The following ATG7 variants were observed in gnomAD, a reference collection of about 807,000 sequenced individuals.
The protein encoded by ATG7 is autophagy related 7, also known as ubiquitin-like modifier-activating enzyme ATG7.
A neutral mutation model predicts 82.4 loss-of-function variants in ATG7; 70 were observed. The ratio of observed to expected loss-of-function variants is 0.85; its 90% CI spans 0.70 to 1.04. The LOEUF (loss-of-function observed/expected upper bound fraction) is 1.04. Among genes scored for constraint, ATG7 ranks in the 50% least tolerant of loss-of-function variants. ATG7 has a pLI of 0.00. For synonymous variants in ATG7, 287 were observed against 313.0 expected (o/e 0.92, Z 0.88); for missense variants, 792 against 864.3 (o/e 0.92, Z 1.05).
At chr3:11,569,597 T>G in the ATG7 span, among the ~76,000 whole-genome samples, 2 of 152,112 alleles carry the variant, frequency 1.3e-5, no homozygotes, top group African/African-American at 4.8e-5. Context: ...GGCCAGTGAG[T>G]GGGCCGGGAC....
At chr3:11,564,423 G>A in the ATG7 span, among the ~76,000 whole-genome samples, 1 of 151,560 alleles carries the variant, frequency 6.6e-6, no homozygotes, top group Non-Finnish European at 1.5e-5. Flanking sequence ...ACCCGAGGAT[G>A]ACTACATTCA....
At chr3:11,475,905 A>ACC in intron 20 of ATG7, among the ~76,000 whole-genome samples, 1 of 150,228 alleles carries the variant, frequency 6.7e-6, no homozygotes, top group Non-Finnish European at 1.5e-5. Flanking sequence ...ACACACACAC[A>ACC]CACCCCCTCC....
intron 3 of ATG7, among the ~76,000 whole-genome samples, chr3:11,293,300 C>T (rs780897781): frequency 2.0e-5 from 3 of 151,770 alleles, no homozygotes; most frequent in Admixed American, 1.3e-4. Flanking sequence ...GAGGCCAAGG[C>T]GAGCAGATTG....
chr3:11,464,244 C>T lies in ATG7; in HGVS notation c.2079+37318C>T, dbSNP rs542141845. On this transcript the variant is annotated intron_variant, in intron 20 of 20. Transcript: ENST00000693202. The stretch of plus-strand genomic sequence containing the variant: ...AAAATTGGCCAGGCATGGTGTTATG[C>T]ACCTGAAGTCCCAGCTACTTGGGAG... 2.6e-5 allele frequency among the ~76,000 whole-genome samples: 4 copies of T among 152,194 alleles called. No individual in the cohort carries two copies. In the East Asian group the frequency reaches 7.7e-4, roughly 29 times the overall value.
At chr3:11,469,010 C>G (rs938186564) in intron 20 of ATG7, among the ~76,000 whole-genome samples, 8 of 152,206 alleles carry the variant, frequency 5.3e-5, no homozygotes, top group Non-Finnish European at 8.8e-5. Context: ...CATGATGGCT[C>G]TCTCATCTCT....
chr3:11,437,794 A>G (rs1350203758), intron 20 of ATG7, among the ~76,000 whole-genome samples: 1 of 152,202 alleles, frequency 6.6e-6, no homozygotes, highest in Non-Finnish European at 1.5e-5. Flanking sequence ...AGCAAGTTTT[A>G]TATACAGCGG....
chr3:11,355,566 T>C (rs1269154810), intron 14 of ATG7, among the ~76,000 whole-genome samples: 1 of 152,156 alleles, frequency 6.6e-6, no homozygotes, highest in Non-Finnish European at 1.5e-5. Context: ...GAACAGGTAC[T>C]TAATTTATGG....
chr3:11,427,814 C>CAA (rs11288609), intron 20 of ATG7, among the ~76,000 whole-genome samples: 17 of 135,234 alleles, frequency 1.3e-4, no homozygotes, highest in African/African-American at 3.3e-4. Context: ...GACTCCGTCT[C>CAA]AAAAAAAAAA....
At position 11,274,667 on chromosome 3, in the gene ATG7, T is replaced by G. The variant is rs577687276; in HGVS notation, c.-366+2237T>G. 3.3e-5 allele frequency among the ~76,000 whole-genome samples: 5 copies of G among 152,274 alleles called. No individual in the cohort carries two copies. The South Asian group carries it at 1.0e-3, about 32-fold the overall frequency. ...CATAGACTTTGGGATCCAAGATAGCTGCGTACCAATATTCCCATTGCCACT... is the reference window on the plus strand; with the variant it reads ...CATAGACTTTGGGATCCAAGATAGCGGCGTACCAATATTCCCATTGCCACT... On this transcript the variant is annotated intron_variant, in intron 1 of 20. Coordinates refer to ENST00000693202, the MANE Select transcript of ATG7 (RefSeq NM_001349232.2).
intron 19 of ATG7, among the ~76,000 whole-genome samples, chr3:11,417,674 T>C (rs563923840): frequency 6.6e-6 from 1 of 151,992 alleles, no homozygotes; most frequent in Non-Finnish European, 1.5e-5. Context: ...ATAATTGGAT[T>C]AATATCTGCC....
At chr3:11,559,501 C>T (rs373124033), downstream of ATG7, 76 of 1,501,452 alleles carry the variant, frequency 5.1e-5, 2 homozygotes, top group East Asian at 1.2e-4. Flanking sequence ...GCTTCAGTAC[C>T]GGGCACCACC....
chr3:11,308,253 C>T (rs1427748355), intron 6 of ATG7, among the ~76,000 whole-genome samples: 1 of 152,192 alleles, frequency 6.6e-6, no homozygotes, highest in Non-Finnish European at 1.5e-5. Flanking sequence ...TTAGTAACAC[C>T]AAGTTTAGCT....
chr3:11,574,671 C>T, the ATG7 span, among the ~76,000 whole-genome samples: 7 of 152,082 alleles, frequency 4.6e-5, no homozygotes, highest in African/African-American at 1.4e-4. Context: ...CACAAAGAAA[C>T]GATTAATGTT....
intron 20 of ATG7, among the ~76,000 whole-genome samples, chr3:11,542,612 C>A (rs2070925108): frequency 6.6e-6 from 1 of 152,198 alleles, no homozygotes; most frequent in South Asian, 2.1e-4. Flanking sequence ...CTACACTGAC[C>A]CTTTTTTCTC....
At chr3:11,481,734 TTGG>T (rs1482757271) in intron 20 of ATG7, among the ~76,000 whole-genome samples, 3 of 152,196 alleles carry the variant, frequency 2.0e-5, no homozygotes, top group Admixed American at 1.3e-4. Flanking sequence ...ATCTTGAGAC[TTGG>T]TGAAGTGGAT....
chr3:11,331,339 G>A lies in ATG7; in HGVS notation c.679-1G>A. On this transcript the variant is annotated splice_acceptor_variant, in intron 9 of 20. Transcript: ENST00000693202. LOFTEE classifies it high-confidence loss of function. ...ACTCAGAAAGTCTTTTTTGTTCACA[G>A]ATAACAATTGGTGTATATGATCCCT... The A allele has an allele frequency of 2.5e-6, 4 of 1,609,020 alleles. No individual in the cohort carries two copies. The highest frequency in any genetic ancestry group is 3.4e-6 in the Non-Finnish European group (4 of 1,176,042).
At chr3:11,417,810 ATTTTAT>A (rs761854781) in intron 19 of ATG7, among the ~76,000 whole-genome samples, 32,108 of 97,614 alleles carry the variant, frequency 0.33, 4,661 homozygotes, top group East Asian at 0.4. Context: ...ATTTTATTTT[ATTTTAT>A]TTTTTTTTTT....
rs1576326629 is a variant in ATG7 at position 11,425,597 on chromosome 3, T to C, written c.1957-1207T>C. ...ACTGAATTCCTAAATGTGATACTCA[T>C]TGTTTCTAAGAACTCTTTACTGTTC... On this transcript the variant is annotated intron_variant, in intron 19 of 20. Transcript: ENST00000693202. Among the ~76,000 whole-genome samples, 5 of 152,224 alleles carry C rather than the reference T, an allele frequency of 3.3e-5. No homozygotes were observed. In the East Asian group the frequency reaches 5.8e-4, roughly 18 times the overall value.
chr3:11,508,563 C>G (rs2091874328), intron 20 of ATG7, among the ~76,000 whole-genome samples: 1 of 152,130 alleles, frequency 6.6e-6, no homozygotes, highest in Non-Finnish European at 1.5e-5. Flanking sequence ...TCAGGTGATC[C>G]TCCTGCTTCA....
Sources: allele counts gnomAD v4.1 joint callset (sites outside exome capture counted in the v4.1 genomes callset), GRCh38; gene constraint gnomAD v4.1.1; transcripts MANE v1.5; gene names NCBI Gene and HGNC (gene_info 2026-07-23, HGNC 2026-07-21).